Variants in CDS1 observed in about 807,000 individuals in gnomAD.
CDS1 encodes the protein phosphatidate cytidylyltransferase 1.
CDS1 carries 41 observed loss-of-function variants against 62.1 expected under a neutral mutation model. That is an observed-to-expected ratio of 0.66 (90% confidence interval 0.51 to 0.86). CDS1 has a LOEUF of 0.86. Ranked by LOEUF, CDS1 falls within the 40% of genes least tolerant of loss-of-function variation. The pLI, the probability that CDS1 is intolerant of heterozygous loss-of-function variation, is 0.00. For synonymous variants in CDS1, 185 were observed against 192.6 expected (o/e 0.96, Z 0.32); for missense variants, 470 against 550.1 (o/e 0.85, Z 1.46).
At chr4:84,591,092 A>G (rs1322239809) in intron 1 of CDS1, among the ~76,000 whole-genome samples, 3 of 152,180 alleles carry the variant, frequency 2.0e-5, no homozygotes, top group Non-Finnish European at 4.4e-5. Context: ...TATACTGGGG[A>G]AAAGTGGGAC....
chr4:84,597,824 C>T (rs1293924388), intron 1 of CDS1, among the ~76,000 whole-genome samples: 2 of 151,900 alleles, frequency 1.3e-5, no homozygotes, highest in African/African-American at 4.8e-5. Flanking sequence ...GAATCCATGC[C>T]TGTATGAAAA....
chr4:84,619,115 G>A (rs975275460), intron 4 of CDS1, among the ~76,000 whole-genome samples: 1 of 151,776 alleles, frequency 6.6e-6, no homozygotes, highest in Non-Finnish European at 1.5e-5. Context: ...GTGAGGGATT[G>A]TGTGTGTGTA....
At chr4:84,592,745 A>G (rs1722630898) in intron 1 of CDS1, among the ~76,000 whole-genome samples, 1 of 152,226 alleles carries the variant, frequency 6.6e-6, no homozygotes, top group Non-Finnish European at 1.5e-5. Flanking sequence ...CAGCTAAGAA[A>G]GCAGTGTTGC....
intron 8 of CDS1, among the ~76,000 whole-genome samples, chr4:84,637,314 A>C (rs930127428): frequency 1.3e-5 from 2 of 152,198 alleles, no homozygotes; most frequent in Non-Finnish European, 2.9e-5. Flanking sequence ...TCACACTGCT[A>C]TAAAGAAATG....
At position 84,643,035 on chromosome 4, in the gene CDS1, C is replaced by T. The variant is rs1724437972; in HGVS notation, c.1044C>T (p.Ser348=). The change falls in exon 11 of 13, where the codon AGC becomes AGT. Residue 348 remains serine (S), a synonymous_variant. Coordinates refer to ENST00000295887, the MANE Select transcript of CDS1 (RefSeq NM_001263.4). ...TTTCTCCTCTTTAGGAAAGAGTGAG[C>T]TTGTACCCTTTCCAGATCCACAGCA... The part of the protein sequence containing the change: ...LKAVLRQERV[S]LYPFQIHSIA... The T allele has an allele frequency of 1.2e-6, 2 of 1,608,398 alleles. No homozygotes were observed. Among genetic ancestry groups the T allele is most frequent in the Non-Finnish European group, 1.7e-6 (2 of 1,176,558 alleles).
intron 11 of CDS1, among the ~76,000 whole-genome samples, chr4:84,644,405 C>T (rs1380004125): frequency 6.6e-6 from 1 of 152,040 alleles, no homozygotes; most frequent in East Asian, 1.9e-4. Flanking sequence ...CAAAAATTAA[C>T]CAAAGACTTT....
intron 1 of CDS1, among the ~76,000 whole-genome samples, chr4:84,593,656 CA>C (rs1722661948): frequency 6.6e-6 from 1 of 152,072 alleles, no homozygotes; most frequent in Non-Finnish European, 1.5e-5. Flanking sequence ...AGGCGCTCTC[CA>C]CTACGCCTGA....
chr4:84,622,461 C>T (rs1723718502), intron 5 of CDS1, among the ~76,000 whole-genome samples: 1 of 152,040 alleles, frequency 6.6e-6, no homozygotes, highest in East Asian at 1.9e-4. Flanking sequence ...GGTGCGGTGG[C>T]AGGTGCCTGT....
At chr4:84,644,723 T>G (rs1037084103) in intron 11 of CDS1, among the ~76,000 whole-genome samples, 2 of 152,182 alleles carry the variant, frequency 1.3e-5, no homozygotes, top group Admixed American at 6.5e-5. Context: ...CTCACTGTAA[T>G]TTTATTTTTT....
intron 1 of CDS1, among the ~76,000 whole-genome samples, chr4:84,602,583 G>C (rs983166594): frequency 2.6e-5 from 4 of 152,030 alleles, no homozygotes; most frequent in African/African-American, 9.7e-5. Context: ...CTTTTTGTAG[G>C]ATGGTGATAC....
At chr4:84,599,911 G>C (rs1485903314) in intron 1 of CDS1, among the ~76,000 whole-genome samples, 4 of 152,042 alleles carry the variant, frequency 2.6e-5, no homozygotes, top group African/African-American at 9.7e-5. Context: ...GAGTGAAATG[G>C]CTGGGTCAGT....
At chr4:84,605,257 T>C (rs1190993746) in intron 2 of CDS1, among the ~76,000 whole-genome samples, 2 of 152,208 alleles carry the variant, frequency 1.3e-5, no homozygotes, top group Non-Finnish European at 2.9e-5. Context: ...AAAAATGTTA[T>C]GAAACAATTC....
At chr4:84,586,319 AT>A (rs920647092) in intron 1 of CDS1, among the ~76,000 whole-genome samples, 9 of 152,330 alleles carry the variant, frequency 5.9e-5, no homozygotes, top group African/African-American at 1.9e-4. Flanking sequence ...ATATAATGAA[AT>A]AATTATACAA....
intron 9 of CDS1, 69 bp from the exon 10 acceptor site, chr4:84,640,769 A>T (rs1054841154): frequency 4.2e-5 from 51 of 1,224,546 alleles, no homozygotes; most frequent in Non-Finnish European, 5.4e-5. Flanking sequence ...TAAAAGATAT[A>T]TGTTTAGTCA....
intron 5 of CDS1, among the ~76,000 whole-genome samples, chr4:84,621,532 A>G (rs371539242): frequency 7.8e-4 from 118 of 152,216 alleles, no homozygotes; most frequent in African/African-American, 2.3e-3. Flanking sequence ...GGAGGAATAC[A>G]TTTTCGAATA....
chr4:84,620,450 C>T (rs1191774086), intron 5 of CDS1, among the ~76,000 whole-genome samples: 1 of 151,666 alleles, frequency 6.6e-6, no homozygotes, highest in Non-Finnish European at 1.5e-5. Context: ...TCTCAATCTC[C>T]TGACCTCGTG....
rs190844825 is a variant in CDS1, at chr4:84,619,548, A to G, written c.580+15A>G. The stretch of plus-strand genomic sequence containing the variant: ...CTATCTGGCAGGTAAGTTAAGGAAT[A>G]TTCTGTATTGATATATAGTTAACAT... On this transcript the variant is annotated intron_variant, in intron 5 of 12. Coordinates refer to ENST00000295887, the MANE Select transcript of CDS1 (RefSeq NM_001263.4). 38 of 1,488,108 alleles carry G rather than the reference A, an allele frequency of 2.6e-5. No homozygotes were observed. The East Asian group carries it at 8.8e-4, about 34-fold the overall frequency. 92.2% of individuals were successfully genotyped at this position (1,488,108 alleles called of 1,614,324 possible). A position where few individuals can be genotyped will look rare whatever the true frequency, so the allele number is the denominator to read the frequency against.
At chr4:84,646,695 T>C (rs1724568042) in intron 12 of CDS1, among the ~76,000 whole-genome samples, 1 of 152,210 alleles carries the variant, frequency 6.6e-6, no homozygotes, top group Admixed American at 6.5e-5. Context: ...TGGTACAGCA[T>C]GTTATCTATT....
intron 1 of CDS1, among the ~76,000 whole-genome samples, chr4:84,592,676 G>A (rs1157416128): frequency 6.6e-6 from 1 of 152,220 alleles, no homozygotes; most frequent in Non-Finnish European, 1.5e-5. Context: ...AGAAAAAAGA[G>A]TCCAGTCCAG....
Sources: allele counts gnomAD v4.1 joint callset (sites outside exome capture counted in the v4.1 genomes callset), GRCh38; gene constraint gnomAD v4.1.1; transcripts MANE v1.5; gene names NCBI Gene and HGNC (gene_info 2026-07-23, HGNC 2026-07-21).